The following PLXDC2 variants were observed in gnomAD, a reference collection of about 807,000 sequenced individuals.
The protein encoded by PLXDC2 is plexin domain containing 2, also known as plexin domain-containing protein 2.
A neutral mutation model predicts 68.9 loss-of-function variants in PLXDC2; 40 were observed. The observed-to-expected ratio is 0.58, with a 90% CI of 0.45 to 0.76. The LOEUF is 0.76. PLXDC2 is among the 30% of genes least tolerant of loss of function. PLXDC2 has a pLI of 0.00. For missense variants in PLXDC2, 644 were observed against 661.9 expected, an observed-to-expected ratio of 0.97 and a Z score of 0.30; for synonymous variants, 243 against 234.2, an observed-to-expected ratio of 1.04 and a Z score of -0.34.
intron 13 of PLXDC2, among the ~76,000 whole-genome samples, chr10:20,259,946 G>T (rs1835788833): frequency 6.6e-6 from 1 of 152,134 alleles, no homozygotes; most frequent in African/African-American, 2.4e-5. Context: ...AAAGGAAGAA[G>T]ATTCCTATAA....
intron 13 of PLXDC2, among the ~76,000 whole-genome samples, chr10:20,266,035 G>A (rs757234426): frequency 6.6e-6 from 1 of 152,168 alleles, no homozygotes; most frequent in African/African-American, 2.4e-5. Context: ...ATGAGCAAGA[G>A]ATAAACTTCT....
chr10:20,277,600 A>G (rs1198790705), intron 13 of PLXDC2, among the ~76,000 whole-genome samples: 2 of 152,216 alleles, frequency 1.3e-5, no homozygotes, highest in African/African-American at 2.4e-5. Flanking sequence ...CTCCTATCTC[A>G]TTATGAAAGT....
At chr10:19,817,312 G>A in intron 1 of PLXDC2, 121 bp downstream of exon 1, 2 of 813,780 alleles carry the variant, frequency 2.5e-6, no homozygotes, top group Non-Finnish European at 3.9e-6. Context: ...ACTTATTGCA[G>A]TTGCTTTTCG....
In PLXDC2 at chr10:20,284,834, C is replaced by G. The variant is rs942383773; in HGVS notation, c.*5015C>G. On this transcript the variant is annotated 3_prime_UTR_variant, in exon 14 of 14. Transcript: ENST00000377252. ...TTATTTGCTATATTGACAATCTGCTCTGTTCTGTAATATAGAACATTGGAT... is the reference window on the plus strand; with the variant it reads ...TTATTTGCTATATTGACAATCTGCTGTGTTCTGTAATATAGAACATTGGAT... 1 of 152,158 alleles carries G rather than the reference C, an allele frequency of 6.6e-6. No homozygotes were observed. The highest frequency in any genetic ancestry group is 1.5e-5 in the Non-Finnish European group (1 of 68,034). 9.4% of individuals were successfully genotyped at this position (152,158 alleles called of 1,614,324 possible).
At chr10:19,948,360 G>C (rs1265557265) in intron 1 of PLXDC2, among the ~76,000 whole-genome samples, 3 of 149,364 alleles carry the variant, frequency 2.0e-5, no homozygotes, top group Non-Finnish European at 4.4e-5. Context: ...GTAGAGAATG[G>C]TTTTGCAGAA....
chr10:20,034,084 G>C (rs1054040192), intron 2 of PLXDC2, among the ~76,000 whole-genome samples: 6 of 152,120 alleles, frequency 3.9e-5, no homozygotes, highest in African/African-American at 1.4e-4. Flanking sequence ...TACATAAAGA[G>C]AGACTCCTTC....
intron 2 of PLXDC2, among the ~76,000 whole-genome samples, chr10:20,033,793 T>C (rs113177284): frequency 0.018 from 2,682 of 152,280 alleles, 74 homozygotes; most frequent in African/African-American, 0.061. Flanking sequence ...TGGGTAGGGA[T>C]ACAGCCAAAC....
At chr10:19,918,608 A>G (rs1395029359) in intron 1 of PLXDC2, among the ~76,000 whole-genome samples, 1 of 152,242 alleles carries the variant, frequency 6.6e-6, no homozygotes, top group African/African-American at 2.4e-5. Context: ...CAAAAATAGA[A>G]GCTTGGTCTG....
chr10:20,041,743 AG>A, intron 2 of PLXDC2, among the ~76,000 whole-genome samples: 1 of 152,222 alleles, frequency 6.6e-6, no homozygotes, highest in East Asian at 1.9e-4. Flanking sequence ...CAGTTCTGGC[AG>A]GTAGAGGTCT....
intron 12 of PLXDC2, among the ~76,000 whole-genome samples, chr10:20,223,312 ATTT>A (rs58086408): frequency 7.6e-6 from 1 of 131,166 alleles, no homozygotes; most frequent in East Asian, 2.2e-4. Context: ...ACAGAATTGA[ATTT>A]TTTTTTTTTT....
Position 20,061,938 on chromosome 10 carries a change from A to T in PLXDC2, c.472-6232A>T, listed in dbSNP as rs150931739. Reference sequence around the variant, plus strand: ...TGTTCAGCTATTTATTAGGAATCAAATAAGGAGCTATGCTTGTTTAGGAAA... The same window carrying T: ...TGTTCAGCTATTTATTAGGAATCAATTAAGGAGCTATGCTTGTTTAGGAAA... On this transcript the variant is annotated intron_variant, in intron 3 of 13. Coordinates refer to ENST00000377252, the MANE Select transcript of PLXDC2 (RefSeq NM_032812.9). Among the ~76,000 whole-genome samples the T allele has an allele frequency of 3.6e-3, 555 of 152,300 alleles. 4 individuals are homozygous for T. The highest frequency in any genetic ancestry group is 0.013 in the African/African-American group (526 of 41,556).
intron 1 of PLXDC2, among the ~76,000 whole-genome samples, chr10:19,866,292 G>A (rs1466548788): frequency 1.3e-5 from 2 of 152,176 alleles, no homozygotes; most frequent in Non-Finnish European, 1.5e-5. Context: ...CCTTCTGGAA[G>A]CTCTAGGAAA....
At chr10:20,071,497 G>C (rs954537665) in intron 4 of PLXDC2, among the ~76,000 whole-genome samples, 1 of 152,150 alleles carries the variant, frequency 6.6e-6, no homozygotes, top group Non-Finnish European at 1.5e-5. Flanking sequence ...TAAGTCTCAG[G>C]AGATCTGATG....
intron 1 of PLXDC2, among the ~76,000 whole-genome samples, chr10:19,843,219 AC>A (rs1449265827): frequency 6.6e-6 from 1 of 152,144 alleles, no homozygotes; most frequent in African/African-American, 2.4e-5. Flanking sequence ...TATGTGGTAA[AC>A]ATGCTTTTCA....
intron 2 of PLXDC2, among the ~76,000 whole-genome samples, chr10:20,014,376 T>C (rs1835169577): frequency 1.6e-5 from 1 of 60,850 alleles, no homozygotes. Flanking sequence ...CCTTCCTTCC[T>C]TCCTTGCTTC....
chr10:20,083,205 G>A (rs7100482), intron 4 of PLXDC2, among the ~76,000 whole-genome samples: 31,375 of 151,970 alleles, frequency 0.21, 3,925 homozygotes, highest in African/African-American at 0.35. Context: ...GCCGGGCGGG[G>A]TGGCTCACAC....
intron 6 of PLXDC2, among the ~76,000 whole-genome samples, chr10:20,151,848 T>C (rs1834156763): frequency 6.6e-6 from 1 of 152,070 alleles, no homozygotes; most frequent in Non-Finnish European, 1.5e-5. Context: ...CTGTAATAAG[T>C]TTCTTCTAAT....
At chr10:20,119,260 G>A (rs906597437) in intron 4 of PLXDC2, among the ~76,000 whole-genome samples, 8 of 152,132 alleles carry the variant, frequency 5.3e-5, no homozygotes, top group African/African-American at 1.9e-4. Context: ...CAACATGGCT[G>A]TTTATTTCAC....
intron 6 of PLXDC2, among the ~76,000 whole-genome samples, chr10:20,153,962 G>C (rs1469753396): frequency 6.6e-6 from 1 of 151,914 alleles, no homozygotes; most frequent in Non-Finnish European, 1.5e-5. Context: ...GCATATCAAG[G>C]CCATTTGGGA....
Sources: allele counts gnomAD v4.1 joint callset (sites outside exome capture counted in the v4.1 genomes callset), GRCh38; gene constraint gnomAD v4.1.1; transcripts MANE v1.5; gene names NCBI Gene and HGNC (gene_info 2026-07-23, HGNC 2026-07-21).